The following ATOSA variants were observed in gnomAD, a reference collection of about 807,000 sequenced individuals.
ATOSA encodes atos homolog A, also known as atos homolog protein A.
the ATOSA span, among the ~76,000 whole-genome samples, chr15:52,672,312 G>A: frequency 6.6e-5 from 10 of 151,320 alleles, no homozygotes; most frequent in Non-Finnish European, 1.5e-4. Flanking sequence ...TTGCATCACT[G>A]TACTCCAGTC....
chr15:52,707,762 A>T, the ATOSA span, among the ~76,000 whole-genome samples: 1 of 152,248 alleles, frequency 6.6e-6, no homozygotes, highest in Non-Finnish European at 1.5e-5. Context: ...TGATTCAGAA[A>T]AAAAGTCAAA....
At chr15:52,591,333 C>T in the ATOSA span, among the ~76,000 whole-genome samples, 1 of 152,170 alleles carries the variant, frequency 6.6e-6, no homozygotes, top group Non-Finnish European at 1.5e-5. Flanking sequence ...CGGGTTCAAG[C>T]GATTCTCCTG....
At chr15:52,612,669 G>A in the ATOSA span, among the ~76,000 whole-genome samples, 32 of 151,586 alleles carry the variant, frequency 2.1e-4, no homozygotes, top group African/African-American at 7.0e-4. Context: ...CACACCCAGC[G>A]AAGTTTTGTA....
At chr15:52,690,186 T>C in the ATOSA span, among the ~76,000 whole-genome samples, 1 of 152,366 alleles carries the variant, frequency 6.6e-6, no homozygotes, top group South Asian at 2.1e-4. Context: ...TTAGATTCCC[T>C]ATACATATGT....
chr15:52,613,836 T>C, the ATOSA span: 1 of 1,613,722 alleles, frequency 6.2e-7, no homozygotes. Context: ...TGCATCATAT[T>C]CAAAATATTC....
At chr15:52,588,373 T>A in the ATOSA span, among the ~76,000 whole-genome samples, 32 of 152,290 alleles carry the variant, frequency 2.1e-4, no homozygotes, top group African/African-American at 7.5e-4. Flanking sequence ...AGTTTCTCAA[T>A]AACCAGGATG....
the ATOSA span, among the ~76,000 whole-genome samples, chr15:52,644,856 G>T: frequency 3.9e-5 from 6 of 152,152 alleles, no homozygotes; most frequent in African/African-American, 1.4e-4. Flanking sequence ...TTGATTACTA[G>T]AATTTCTAGG....
chr15:52,662,922 G>C, the ATOSA span, among the ~76,000 whole-genome samples: 1 of 152,068 alleles, frequency 6.6e-6, no homozygotes, highest in African/African-American at 2.4e-5. Flanking sequence ...AAAAGAATTA[G>C]CTAACAGTAG....
chr15:52,602,098 G>A, the ATOSA span, among the ~76,000 whole-genome samples: 1 of 151,612 alleles, frequency 6.6e-6, no homozygotes, highest in Non-Finnish European at 1.5e-5. Flanking sequence ...TGGCTTTTTC[G>A]TATTTTACTA....
At chr15:52,623,905 A>G in the ATOSA span, among the ~76,000 whole-genome samples, 1 of 152,218 alleles carries the variant, frequency 6.6e-6, no homozygotes, top group Non-Finnish European at 1.5e-5. Context: ...CTCACAGAGA[A>G]TTATTTCCAA....
the ATOSA span, among the ~76,000 whole-genome samples, chr15:52,616,124 C>T: frequency 2.1e-3 from 320 of 152,310 alleles, 1 homozygote; most frequent in African/African-American, 7.3e-3. Context: ...CATATTATAA[C>T]GTACTGTGAT....
chr15:52,664,681 G>A, the ATOSA span, among the ~76,000 whole-genome samples: 15 of 152,150 alleles, frequency 9.9e-5, no homozygotes, highest in African/African-American at 3.6e-4. Context: ...GGTGGCTTAC[G>A]CCTGTAATCT....
At chr15:52,606,726 A>G in the ATOSA span, among the ~76,000 whole-genome samples, 1 of 152,228 alleles carries the variant, frequency 6.6e-6, no homozygotes, top group South Asian at 2.1e-4. Flanking sequence ...ATACTTTTAG[A>G]AAATTGGAAA....
chr15:52,620,569 AAGG>A, the ATOSA span, among the ~76,000 whole-genome samples: 1 of 152,156 alleles, frequency 6.6e-6, no homozygotes, highest in Non-Finnish European at 1.5e-5. Context: ...AGAGAAGGAG[AAGG>A]AGTCTAGGCC....
the ATOSA span, chr15:52,651,944 A>ATCAATAGCTAT: frequency 6.5e-7 from 1 of 1,535,156 alleles, no homozygotes; most frequent in South Asian, 1.2e-5. Flanking sequence ...CCTTCTGGCT[A>ATCAATAGCTAT]TCAATAGCTA....
the ATOSA span, among the ~76,000 whole-genome samples, chr15:52,582,937 T>C: frequency 6.6e-6 from 1 of 152,238 alleles, no homozygotes; most frequent in African/African-American, 2.4e-5. Context: ...TCACATTAAC[T>C]TACCTACCAA....
the ATOSA span, among the ~76,000 whole-genome samples, chr15:52,630,858 TAAC>T: frequency 6.6e-6 from 1 of 152,202 alleles, no homozygotes; most frequent in Non-Finnish European, 1.5e-5. Context: ...ACAAGAATAA[TAAC>T]CTACAGCTAC....
At chr15:52,589,392 T>C in the ATOSA span, among the ~76,000 whole-genome samples, 1 of 152,282 alleles carries the variant, frequency 6.6e-6, no homozygotes, top group Middle Eastern at 3.4e-3. Flanking sequence ...CTACACGTAA[T>C]ATATTACCGT....
chr15:52,584,853 C>T, the ATOSA span: 3 of 1,613,300 alleles, frequency 1.9e-6, no homozygotes, highest in East Asian at 2.2e-5. Context: ...AGTTCTTTGT[C>T]GTAGGAATGT....
Sources: allele counts gnomAD v4.1 joint callset (sites outside exome capture counted in the v4.1 genomes callset), GRCh38; gene constraint gnomAD v4.1.1; transcripts MANE v1.5; gene names NCBI Gene and HGNC (gene_info 2026-07-23, HGNC 2026-07-21).